Variants in RPA2 observed in about 807,000 individuals in gnomAD.
RPA2 encodes replication protein A2.
Under a neutral mutation model 33.4 loss-of-function variants are expected in RPA2, and 22 were observed. The observed-to-expected ratio is 0.66, with a 90% CI of 0.47 to 0.94. The LOEUF (loss-of-function observed/expected upper bound fraction) is 0.94, where lower values mean the gene tolerates loss of function less well. Among genes scored for constraint, RPA2 ranks in the 40% least tolerant of loss-of-function variants. The pLI, the probability that RPA2 is intolerant of heterozygous loss-of-function variation, is 0.00. For synonymous variants in RPA2, 109 were observed against 114.9 expected, an observed-to-expected ratio of 0.95 and a Z score of 0.33; for missense variants, 279 against 329.9, an observed-to-expected ratio of 0.85 and a Z score of 1.19.
At position 27,906,912 on chromosome 1, in the gene RPA2, A is replaced by C. The variant is rs2148659907; in HGVS notation, c.333+16T>G. 1 of 1,576,336 alleles carries C rather than the reference A, an allele frequency of 6.3e-7. No individual in the cohort carries two copies. Among genetic ancestry groups the C allele is most frequent in the South Asian group, 1.1e-5 (1 of 87,478 alleles). On this transcript the variant is annotated intron_variant, in intron 4 of 8. Transcript: ENST00000373912. ...TTCCAAAGTAACCCCATCATGATTC[A>C]AAAACAGCCACTTACATCTGTGTCA...
chr1:27,893,782 A>AT (rs1165688385), intron 8 of RPA2, among the ~76,000 whole-genome samples: 1 of 149,324 alleles, frequency 6.7e-6, no homozygotes, highest in Non-Finnish European at 1.5e-5. Flanking sequence ...TAATTTTTGT[A>AT]TTTTTAGTAG....
chr1:27,906,621 G>A lies in RPA2; in HGVS notation c.333+307C>T, dbSNP rs562549982. 1.2e-4 allele frequency among the ~76,000 whole-genome samples: 18 copies of A among 152,250 alleles called. 1 individual carries two copies. Among genetic ancestry groups the A allele is most frequent in the African/African-American group, 3.1e-4 (13 of 41,542 alleles). ...ACAGGATCGCTTGAGCCCGGGATGC[G>A]GACGTTGTAGTGAGCCGAGATTCCA... On this transcript the variant is annotated intron_variant, in intron 4 of 8. Transcript: ENST00000373912.
intron 3 of RPA2, 62 bp downstream of exon 3, chr1:27,907,119 A>G (rs1330932520): frequency 4.1e-5 from 64 of 1,576,486 alleles, no homozygotes; most frequent in Non-Finnish European, 5.1e-5. Context: ...GTATTTTTTA[A>G]TGAAGTCTTA....
intron 4 of RPA2, among the ~76,000 whole-genome samples, chr1:27,901,004 G>A (rs568470172): frequency 6.6e-6 from 1 of 152,298 alleles, no homozygotes; most frequent in South Asian, 2.1e-4. Flanking sequence ...AAGATGCTGT[G>A]AACATTGTTA....
At chr1:27,914,225 C>G (rs1432036752) in intron 1 of RPA2, 56 bp from the exon 2 acceptor site, 23 of 1,607,808 alleles carry the variant, frequency 1.4e-5, no homozygotes, top group Non-Finnish European at 2.0e-5. Flanking sequence ...CCGAGAAACC[C>G]GCAGGCTCCC....
chr1:27,913,810 T>C (rs1055915804), intron 2 of RPA2, among the ~76,000 whole-genome samples: 2 of 152,046 alleles, frequency 1.3e-5, no homozygotes, highest in African/African-American at 4.8e-5. Context: ...ACAAGACTGA[T>C]TCATTAGCTA....
At chr1:27,895,733 AAAAAAC>A (rs1021014538) in intron 6 of RPA2, among the ~76,000 whole-genome samples, 4 of 152,176 alleles carry the variant, frequency 2.6e-5, no homozygotes, top group Admixed American at 1.3e-4. Context: ...TCTGTCTCAA[AAAAAAC>A]AAAAACAAAA....
At position 27,914,452 on chromosome 1, in the gene RPA2, C is replaced by A; in HGVS notation, c.-9G>T. ...TCATTACTGTTCCACATCTTGGTCACGATTCTCCGCAAAGAGGCCGAGAAG... is the reference window on the plus strand; with the variant it reads ...TCATTACTGTTCCACATCTTGGTCAAGATTCTCCGCAAAGAGGCCGAGAAG... On this transcript the variant is annotated 5_prime_UTR_variant, in exon 1 of 9. Transcript: ENST00000373912. 6.3e-7 allele frequency: 1 copy of A among 1,593,178 alleles called. No homozygotes were observed.
intron 4 of RPA2, among the ~76,000 whole-genome samples, chr1:27,899,573 G>A (rs1321562332): frequency 6.8e-5 from 10 of 147,784 alleles, no homozygotes; most frequent in Admixed American, 6.8e-4. Flanking sequence ...ACAACATTTT[G>A]AATCCACTTG....
intron 2 of RPA2, among the ~76,000 whole-genome samples, 157 bp from the exon 3 acceptor site, chr1:27,907,439 T>C (rs562736368): frequency 1.3e-5 from 2 of 152,352 alleles, no homozygotes; most frequent in South Asian, 2.1e-4. Context: ...CAAGGTCATA[T>C]AGCAAACCAA....
chr1:27,893,666 G>A (rs1241917297), intron 8 of RPA2, among the ~76,000 whole-genome samples: 1 of 152,088 alleles, frequency 6.6e-6, no homozygotes, highest in African/African-American at 2.4e-5. Context: ...GGAGTGCAGT[G>A]GTGTGATGGT....
intron 2 of RPA2, among the ~76,000 whole-genome samples, chr1:27,911,596 T>C (rs1408389473): frequency 2.6e-5 from 4 of 152,148 alleles, no homozygotes; most frequent in African/African-American, 9.7e-5. Flanking sequence ...CCTTGAGATC[T>C]TCTAGGAAAG....
At chr1:27,896,161 T>A (rs1192396081) in intron 6 of RPA2, among the ~76,000 whole-genome samples, 1 of 152,218 alleles carries the variant, frequency 6.6e-6, no homozygotes, top group African/African-American at 2.4e-5. Context: ...TGATTGGGAC[T>A]ATCAAATCAA....
chr1:27,892,033 C>A lies in RPA2; in HGVS notation c.*130G>T. ...AGAGCAGTAAGTTTCAAAAGGAAGT[C>A]AGAGGAGACATTTGATAGATGAAAC... On this transcript the variant is annotated 3_prime_UTR_variant, in exon 9 of 9. Coordinates refer to ENST00000373912, the MANE Select transcript of RPA2 (RefSeq NM_002946.5). The A allele has an allele frequency of 3.1e-6, 2 of 645,152 alleles. No individual in the cohort carries two copies. The highest frequency in any genetic ancestry group is 2.3e-5 in the South Asian group (1 of 43,282). 40.0% of individuals were successfully genotyped at this position (645,152 alleles called of 1,614,324 possible).
chr1:27,911,419 C>A (rs766897174), intron 2 of RPA2, among the ~76,000 whole-genome samples: 14 of 152,046 alleles, frequency 9.2e-5, no homozygotes, highest in Admixed American at 2.6e-4. Context: ...AAGCATTATT[C>A]TCTGAAAAGC....
chr1:27,913,326 C>T (rs775315579), intron 2 of RPA2, among the ~76,000 whole-genome samples: 2 of 151,220 alleles, frequency 1.3e-5, no homozygotes, highest in African/African-American at 2.4e-5. Context: ...CCGTGGCTCA[C>T]GCCTGTAATC....
At position 27,894,208 on chromosome 1, in the gene RPA2, A is replaced by C; in HGVS notation, c.633+82T>G. 3.3e-6 allele frequency: 5 copies of C among 1,503,882 alleles called. No individual in the cohort carries two copies. In the South Asian group the frequency reaches 4.5e-5, roughly 14 times the overall value. 93.2% of individuals were successfully genotyped at this position (1,503,882 alleles called of 1,614,324 possible). A position where few individuals can be genotyped will look rare whatever the true frequency, so the allele number is the denominator to read the frequency against. ...GAAAAGAAATGAACCAGGTACTTAA[A>C]CAGTCGTAGCTCATTAAGGAAGTAA... On this transcript the variant is annotated intron_variant, in intron 7 of 8. Coordinates refer to ENST00000373912, the MANE Select transcript of RPA2 (RefSeq NM_002946.5).
At chr1:27,902,386 C>T (rs1285866909) in intron 4 of RPA2, among the ~76,000 whole-genome samples, 1 of 151,162 alleles carries the variant, frequency 6.6e-6, no homozygotes, top group African/African-American at 2.4e-5. Context: ...TGGGTTCAAG[C>T]GAGTCTTGTG....
intron 2 of RPA2, among the ~76,000 whole-genome samples, chr1:27,908,304 T>G (rs1483737579): frequency 6.6e-6 from 1 of 151,556 alleles, no homozygotes; most frequent in Admixed American, 6.6e-5. Context: ...AAAACATTTT[T>G]TTTTTTGTAG....
Sources: allele counts gnomAD v4.1 joint callset (sites outside exome capture counted in the v4.1 genomes callset), GRCh38; gene constraint gnomAD v4.1.1; transcripts MANE v1.5; gene names NCBI Gene and HGNC (gene_info 2026-07-23, HGNC 2026-07-21).